CHCHD4: variants seen among roughly 807,000 people sequenced by gnomAD.
The protein encoded by CHCHD4 is mitochondrial intermembrane space import and assembly protein 40.
In CHCHD4, 7 loss-of-function variants were observed where a neutral mutation model predicts 12.4. The observed-to-expected ratio is 0.57, with a 90% CI of 0.32 to 1.06. The LOEUF (loss-of-function observed/expected upper bound fraction) is 1.06, where lower values mean the gene tolerates loss of function less well. Among genes scored for constraint, CHCHD4 ranks in the 50% least tolerant of loss-of-function variants. The pLI, the probability that CHCHD4 is intolerant of heterozygous loss-of-function variation, is 0.04. For missense variants in CHCHD4, 143 were observed against 175.1 expected (o/e 0.82, Z 1.03); for synonymous variants, 56 against 58.0 (o/e 0.97, Z 0.16).
At chr3:14,117,254 G>C (rs1266503153) in intron 1 of CHCHD4, among the ~76,000 whole-genome samples, 4 of 152,212 alleles carry the variant, frequency 2.6e-5, no homozygotes, top group Non-Finnish European at 5.9e-5. Context: ...CCTGGGGCCT[G>C]GCTGCCGGAA....
chr3:14,124,395 C>T (rs1298883423), intron 1 of CHCHD4, among the ~76,000 whole-genome samples: 5 of 152,216 alleles, frequency 3.3e-5, no homozygotes, highest in Non-Finnish European at 5.9e-5. Flanking sequence ...TTACGACTTC[C>T]TACGCACAGG....
At chr3:14,113,626 GCCCC>G (rs1412859760) in intron 2 of CHCHD4, among the ~76,000 whole-genome samples, 2 of 142,474 alleles carry the variant, frequency 1.4e-5, no homozygotes, top group South Asian at 4.3e-4. Flanking sequence ...CATGCTCCCT[GCCCC>G]CCTGAGCCCC....
Position 14,124,739 on chromosome 3 carries a change from G to C in CHCHD4, c.-63C>G. ...GTGGCGGCAGCTGCACCTTTACGCC[G>C]TGACCTCCCTCTCCTCTGGCAGGGC... On this transcript the variant is annotated 5_prime_UTR_variant, in exon 1 of 3. Transcript: ENST00000396914. 6.7e-7 allele frequency: 1 copy of C among 1,490,370 alleles called. No individual in the cohort carries two copies. Among genetic ancestry groups the C allele is most frequent in the South Asian group, 1.3e-5 (1 of 79,006 alleles). 92.3% of individuals were successfully genotyped at this position (1,490,370 alleles called of 1,614,324 possible).
At position 14,112,904 on chromosome 3, in the gene CHCHD4, C is replaced by G. The variant is rs1419657349; in HGVS notation, c.412G>C (p.Glu138Gln). Reference protein sequence around the residue: ...APIEATATKEEEGSS With the variant: ...APIEATATKEQEGSS ...GGCCTTCATTAACTTGATCCCTCCT[C>G]TTCTTTGGTTGCAGTGGCCTCAATG... is the stretch of plus-strand genomic sequence containing the variant. The change falls in exon 3 of 3, where the codon GAG becomes CAG. Residue 138 changes from glutamate to glutamine, a missense_variant. Transcript: ENST00000396914. 1.1e-5 allele frequency: 17 copies of G among 1,612,318 alleles called. No individual in the cohort carries two copies. The highest frequency in any genetic ancestry group is 1.4e-5 in the Non-Finnish European group (16 of 1,179,260).
At chr3:14,121,909 C>T (rs1338768802) in intron 1 of CHCHD4, 1 of 1,614,154 alleles carries the variant, frequency 6.2e-7, no homozygotes, top group Admixed American at 1.7e-5. Context: ...AAGTTTAGCT[C>T]AACAAACCTT....
chr3:14,123,170 C>T (rs1328148333), intron 1 of CHCHD4, among the ~76,000 whole-genome samples: 1 of 152,128 alleles, frequency 6.6e-6, no homozygotes, highest in Non-Finnish European at 1.5e-5. Flanking sequence ...ATCTTTGAAG[C>T]AGGAAAAGAT....
At chr3:14,116,238 A>C (rs889182893) in intron 2 of CHCHD4, among the ~76,000 whole-genome samples, 188 bp downstream of exon 2, 1 of 152,222 alleles carries the variant, frequency 6.6e-6, no homozygotes. Context: ...ACATCAGAAC[A>C]AGGCTGGAAA....
At chr3:14,124,213 G>A (rs1437017515) in intron 1 of CHCHD4, among the ~76,000 whole-genome samples, 1 of 152,208 alleles carries the variant, frequency 6.6e-6, no homozygotes, top group African/African-American at 2.4e-5. Flanking sequence ...CTCCAGCACA[G>A]CACACGCTAC....
intron 1 of CHCHD4, chr3:14,119,341 T>TA (rs1204064039): frequency 1.7e-4 from 26 of 152,380 alleles, no homozygotes; most frequent in African/African-American, 6.0e-4. Flanking sequence ...AGACATGCAG[T>TA]AAATGAAGGC....
chr3:14,112,886 A>G lies in CHCHD4; in HGVS notation c.*1T>C. On this transcript the variant is annotated 3_prime_UTR_variant, in exon 3 of 3. Coordinates refer to ENST00000396914, the MANE Select transcript of CHCHD4 (RefSeq NM_001098502.2). ...TGGTGCCCAGTGCCTTGTGGCCTTCATTAACTTGATCCCTCCTCTTCTTTG... is the reference window on the plus strand; with the variant it reads ...TGGTGCCCAGTGCCTTGTGGCCTTCGTTAACTTGATCCCTCCTCTTCTTTG... The G allele has an allele frequency of 6.2e-7, 1 of 1,608,484 alleles. No homozygotes were observed. Among genetic ancestry groups the G allele is most frequent in the Non-Finnish European group, 8.5e-7 (1 of 1,176,838 alleles).
Position 14,121,814 on chromosome 3 carries a change from A to G in CHCHD4, c.22+2841T>C, listed in dbSNP as rs931043277. On this transcript the variant is annotated intron_variant, in intron 1 of 2. Coordinates refer to ENST00000396914, the MANE Select transcript of CHCHD4 (RefSeq NM_001098502.2). ...TTAGAATCTAACCCCTTTGAAAGATACAACTCCCCCATACAGAATCAAGTG... is the reference window on the plus strand; with the variant it reads ...TTAGAATCTAACCCCTTTGAAAGATGCAACTCCCCCATACAGAATCAAGTG... 1.9e-5 allele frequency: 31 copies of G among 1,590,248 alleles called. No individual in the cohort carries two copies. In the Admixed American group the frequency reaches 3.0e-4, roughly 15 times the overall value.
chr3:14,120,640 T>A (rs896411552), intron 1 of CHCHD4, among the ~76,000 whole-genome samples: 1 of 152,196 alleles, frequency 6.6e-6, no homozygotes, highest in Admixed American at 6.5e-5. Flanking sequence ...ATGCCCCCAC[T>A]GGAATGTCAG....
chr3:14,117,094 A>C (rs1343297024), intron 1 of CHCHD4, among the ~76,000 whole-genome samples: 2 of 152,276 alleles, frequency 1.3e-5, no homozygotes, highest in Admixed American at 6.5e-5. Flanking sequence ...AGCACTTCTC[A>C]GATCTTTTTA....
intron 1 of CHCHD4, among the ~76,000 whole-genome samples, chr3:14,120,181 G>T (rs1694917959): frequency 6.6e-6 from 1 of 152,004 alleles, no homozygotes; most frequent in East Asian, 1.9e-4. Context: ...GTGGGGCTGA[G>T]AACAGAACTG....
rs1399631077 is a variant in CHCHD4, at chr3:14,124,692, C to T, written c.-16G>A. 3.3e-6 allele frequency: 5 copies of T among 1,528,206 alleles called. No individual in the cohort carries two copies. Among genetic ancestry groups the T allele is most frequent in the Non-Finnish European group, 4.4e-6 (5 of 1,139,844 alleles). The allele number at this position is 1,528,206 out of a possible 1,614,324, so 94.7% of individuals were successfully genotyped here. A position where few individuals can be genotyped will look rare whatever the true frequency, so the allele number is the denominator to read the frequency against. On this transcript the variant is annotated 5_prime_UTR_variant, in exon 1 of 3. Transcript: ENST00000396914. ...AATAGGACATGGCTGCAGCCCGTCC[C>T]TGAGACCTTGCAGAAGCGGCGGTGG...
At position 14,112,281 on chromosome 3, in the gene CHCHD4, G is replaced by A. The variant is rs1394820030; in HGVS notation, c.*606C>T. The stretch of plus-strand genomic sequence containing the variant: ...GCCAGCCTCTCCCTTCACTTAGAAA[G>A]GGATTATGAATGGAAGGGTCCAAAT... On this transcript the variant is annotated 3_prime_UTR_variant, in exon 3 of 3. Coordinates refer to ENST00000396914, the MANE Select transcript of CHCHD4 (RefSeq NM_001098502.2). 1.3e-5 allele frequency: 2 copies of A among 152,170 alleles called. No individual in the cohort carries two copies. Among genetic ancestry groups the A allele is most frequent in the Non-Finnish European group, 1.5e-5 (1 of 68,042 alleles). The allele number at this position is 152,170 out of a possible 1,614,324, so 9.4% of individuals were successfully genotyped here.
chr3:14,123,625 A>G (rs1002596133), intron 1 of CHCHD4, among the ~76,000 whole-genome samples: 3 of 152,102 alleles, frequency 2.0e-5, no homozygotes, highest in Non-Finnish European at 4.4e-5. Flanking sequence ...TTCACCAAAG[A>G]ATTTCTGGGG....
Position 14,124,734 on chromosome 3 carries a change from A to ACGCCGTGACCTCCC in CHCHD4, c.-72_-59dup. On this transcript the variant is annotated 5_prime_UTR_variant, in exon 1 of 3. Coordinates refer to ENST00000396914, the MANE Select transcript of CHCHD4 (RefSeq NM_001098502.2). ...CGGCGGTGGCGGCAGCTGCACCTTT[A>ACGCCGTGACCTCCC]CGCCGTGACCTCCCTCTCCTCTGGC... The ACGCCGTGACCTCCC allele has an allele frequency of 6.7e-7, 1 of 1,500,840 alleles. No homozygotes were observed. Among genetic ancestry groups the ACGCCGTGACCTCCC allele is most frequent in the South Asian group, 1.3e-5 (1 of 79,662 alleles). The allele number at this position is 1,500,840 out of a possible 1,614,324, so 93.0% of individuals were successfully genotyped here. A position where few individuals can be genotyped will look rare whatever the true frequency, so the allele number is the denominator to read the frequency against.
At chr3:14,122,212 T>A (rs532346651) in intron 1 of CHCHD4, 10 of 1,337,096 alleles carry the variant, frequency 7.5e-6, no homozygotes, top group Non-Finnish European at 9.8e-6. Context: ...TCAGACCCCA[T>A]AGAGCCTTTC....
Sources: gnomAD v4.1 joint callset for allele counts (sites outside exome capture counted in the v4.1 genomes callset) on GRCh38, gnomAD v4.1.1 for gene constraint, MANE v1.5 for transcripts, NCBI Gene and HGNC (gene_info 2026-07-23, HGNC 2026-07-21) for gene names.